SNTG1: variants seen among roughly 807,000 people sequenced by gnomAD.
SNTG1 encodes the protein syntrophin gamma 1, also known as gamma-1-syntrophin.
A neutral mutation model predicts 74.7 loss-of-function variants in SNTG1; 39 were observed. The observed-to-expected ratio is 0.52, with a 90% CI of 0.40 to 0.68. SNTG1 has a LOEUF of 0.68. Among genes scored for constraint, SNTG1 ranks in the 30% least tolerant of loss-of-function variants. The pLI is 0.00. For missense variants in SNTG1, 685 were observed against 609.5 expected (o/e 1.12, Z -1.30); for synonymous variants, 254 against 217.1 (o/e 1.17, Z -1.49).
chr8:50,609,632 C>T (rs183630624), intron 13 of SNTG1, among the ~76,000 whole-genome samples: 145 of 152,148 alleles, frequency 9.5e-4, no homozygotes, highest in African/African-American at 3.4e-3. Flanking sequence ...TCCCTCTTCT[C>T]TCTCCTTTCT....
intron 2 of SNTG1, among the ~76,000 whole-genome samples, chr8:50,346,946 T>C (rs1260678608): frequency 6.6e-6 from 1 of 152,224 alleles, no homozygotes; most frequent in Non-Finnish European, 1.5e-5. Flanking sequence ...AAAGAAGTCA[T>C]CTTCACAACA....
intron 15 of SNTG1, among the ~76,000 whole-genome samples, chr8:50,663,382 G>A (rs1386361601): frequency 6.6e-6 from 1 of 152,162 alleles, no homozygotes; most frequent in Non-Finnish European, 1.5e-5. Flanking sequence ...CTCTTCGAAT[G>A]CAACGTGAGA....
At chr8:50,035,723 C>T (rs1235570469) in intron 1 of SNTG1, among the ~76,000 whole-genome samples, 2 of 152,166 alleles carry the variant, frequency 1.3e-5, no homozygotes, top group African/African-American at 4.8e-5. Context: ...TGAGGACTAA[C>T]ACAGACCATC....
intron 1 of SNTG1, among the ~76,000 whole-genome samples, chr8:50,098,251 T>C (rs1041800756): frequency 6.6e-6 from 1 of 152,206 alleles, no homozygotes; most frequent in Non-Finnish European, 1.5e-5. Context: ...CCAACTAATT[T>C]ATCCCAATTT....
At chr8:50,458,648 A>T (rs966278490) in intron 8 of SNTG1, among the ~76,000 whole-genome samples, 1 of 152,172 alleles carries the variant, frequency 6.6e-6, no homozygotes, top group Non-Finnish European at 1.5e-5. Context: ...AGCATTTTAC[A>T]TGTCTACACT....
intron 1 of SNTG1, among the ~76,000 whole-genome samples, chr8:49,975,366 A>G (rs866711262): frequency 6.6e-6 from 1 of 152,116 alleles, no homozygotes; most frequent in South Asian, 2.1e-4. Context: ...TCTTTGCCTT[A>G]GTATGCTTGT....
chr8:50,331,408 G>C (rs553584873), intron 2 of SNTG1, among the ~76,000 whole-genome samples: 2 of 152,278 alleles, frequency 1.3e-5, no homozygotes, highest in East Asian at 1.9e-4. Context: ...TTCCAAGCTA[G>C]AGAAACAGCC....
intron 2 of SNTG1, among the ~76,000 whole-genome samples, chr8:50,232,943 C>T (rs966905238): frequency 6.6e-6 from 1 of 151,448 alleles, no homozygotes; most frequent in Non-Finnish European, 1.5e-5. Context: ...TAAAGTCATA[C>T]TGTGTTCATG....
chr8:50,506,024 T>C (rs1442322558), intron 9 of SNTG1, among the ~76,000 whole-genome samples: 1 of 152,102 alleles, frequency 6.6e-6, no homozygotes, highest in Admixed American at 6.6e-5. Flanking sequence ...AGTCAATTTT[T>C]ATACATAGTA....
intron 2 of SNTG1, among the ~76,000 whole-genome samples, chr8:50,248,610 C>G (rs1425320268): frequency 1.3e-5 from 2 of 152,110 alleles, no homozygotes; most frequent in Non-Finnish European, 2.9e-5. Flanking sequence ...GTCTTTGTAA[C>G]AAGTTTATGC....
At chr8:50,056,312 T>C (rs1469923925) in intron 1 of SNTG1, among the ~76,000 whole-genome samples, 1 of 152,128 alleles carries the variant, frequency 6.6e-6, no homozygotes, top group African/African-American at 2.4e-5. Flanking sequence ...AGAGGAGATT[T>C]TGGACCTAGG....
chr8:50,219,313 A>G (rs920999163), intron 2 of SNTG1, among the ~76,000 whole-genome samples: 3 of 152,208 alleles, frequency 2.0e-5, no homozygotes, highest in Middle Eastern at 3.2e-3. Flanking sequence ...CAAAACCTCA[A>G]AAATCCCACA....
intron 2 of SNTG1, among the ~76,000 whole-genome samples, chr8:50,372,735 GT>G (rs780245678): frequency 2.6e-5 from 4 of 152,028 alleles, no homozygotes; most frequent in African/African-American, 4.8e-5. Flanking sequence ...AAAATCCAGT[GT>G]AAGGATTTCA....
intron 1 of SNTG1, among the ~76,000 whole-genome samples, chr8:50,134,129 G>GGTTA: frequency 6.6e-6 from 1 of 152,264 alleles, no homozygotes; most frequent in Non-Finnish European, 1.5e-5. Flanking sequence ...TATGGTGGTG[G>GGTTA]GTTAGTATCA....
chr8:50,071,815 TAA>T (rs10657455), intron 1 of SNTG1, among the ~76,000 whole-genome samples: 1 of 145,376 alleles, frequency 6.9e-6, no homozygotes, highest in African/African-American at 2.6e-5. Flanking sequence ...ATACTAGTAC[TAA>T]AAAAAAAAAA....
intron 1 of SNTG1, among the ~76,000 whole-genome samples, chr8:50,170,663 C>T (rs2131644680): frequency 6.6e-6 from 1 of 152,254 alleles, no homozygotes; most frequent in South Asian, 2.1e-4. Flanking sequence ...CATGACATAT[C>T]CAGATTGATT....
At chr8:50,352,025 A>G (rs986460160) in intron 2 of SNTG1, among the ~76,000 whole-genome samples, 1 of 152,198 alleles carries the variant, frequency 6.6e-6, no homozygotes, top group Non-Finnish European at 1.5e-5. Flanking sequence ...AATTCAGTTG[A>G]ATATTAAAAA....
Position 50,198,334 on chromosome 8 carries a change from C to G in SNTG1, c.-28+25699C>G, listed in dbSNP as rs540953488. ...GACTTGTCCTGCTAATAGCGTTTTT[C>G]CTTTCCTGGTTTTATCATGCCACAC... is the stretch of plus-strand genomic sequence containing the variant. On this transcript the variant is annotated intron_variant, in intron 2 of 18. Transcript: ENST00000642720. 4.3e-4 allele frequency among the ~76,000 whole-genome samples: 65 copies of G among 152,316 alleles called. 1 individual carries two copies. In the South Asian group the frequency reaches 0.013, roughly 31 times the overall value.
chr8:50,088,276 T>C, intron 1 of SNTG1, among the ~76,000 whole-genome samples: 1 of 149,646 alleles, frequency 6.7e-6, no homozygotes, highest in Non-Finnish European at 1.5e-5. Context: ...GAGCTATCTA[T>C]GACAAACCCA....
Sources: gnomAD v4.1 joint callset for allele counts (sites outside exome capture counted in the v4.1 genomes callset) on GRCh38, gnomAD v4.1.1 for gene constraint, MANE v1.5 for transcripts, NCBI Gene and HGNC (gene_info 2026-07-23, HGNC 2026-07-21) for gene names.